SHISA9: variants seen among roughly 807,000 people sequenced by gnomAD.
SHISA9 encodes the protein shisa family member 9.
A neutral mutation model predicts 38.0 loss-of-function variants in SHISA9; 13 were observed. The observed-to-expected ratio is 0.34, with a 90% CI of 0.22 to 0.54. The LOEUF is 0.54. Among genes scored for constraint, SHISA9 ranks in the 20% least tolerant of loss-of-function variants. The pLI is 0.91. For synonymous variants in SHISA9, 275 were observed against 242.0 expected (o/e 1.14, Z -1.27); for missense variants, 538 against 575.8 (o/e 0.93, Z 0.67).
At chr16:13,428,711 C>G in the SHISA9 span, among the ~76,000 whole-genome samples, 2 of 151,752 alleles carry the variant, frequency 1.3e-5, no homozygotes, top group Non-Finnish European at 2.9e-5. Flanking sequence ...GGAATATATC[C>G]TGAGACTAGT....
At chr16:13,367,922 A>G in the SHISA9 span, among the ~76,000 whole-genome samples, 30 of 151,950 alleles carry the variant, frequency 2.0e-4, no homozygotes, top group Admixed American at 5.9e-4. Flanking sequence ...TATTATTATT[A>G]TACTTTAAAT....
intron 2 of SHISA9, among the ~76,000 whole-genome samples, chr16:13,134,800 A>G (rs980137233): frequency 2.0e-5 from 3 of 152,146 alleles, no homozygotes; most frequent in African/African-American, 7.2e-5. Context: ...TATCTCACAT[A>G]TGTCATCGTC....
intron 2 of SHISA9, among the ~76,000 whole-genome samples, chr16:12,988,162 C>G (rs939924583): frequency 1.3e-5 from 2 of 152,222 alleles, no homozygotes; most frequent in Non-Finnish European, 2.9e-5. Flanking sequence ...TGGACCACAA[C>G]AGGCACTGTG....
At chr16:13,499,157 C>T in the SHISA9 span, among the ~76,000 whole-genome samples, 1 of 152,166 alleles carries the variant, frequency 6.6e-6, no homozygotes, top group African/African-American at 2.4e-5. Context: ...CAATCAGTAA[C>T]CAATCAGTAA....
intron 2 of SHISA9, among the ~76,000 whole-genome samples, chr16:12,987,207 C>A (rs2072322642): frequency 6.6e-6 from 1 of 152,084 alleles, no homozygotes; most frequent in Admixed American, 6.5e-5. Flanking sequence ...AGATCTATAC[C>A]AAGTTTGCAG....
chr16:13,062,352 G>A (rs553805684), intron 2 of SHISA9, among the ~76,000 whole-genome samples: 4 of 152,240 alleles, frequency 2.6e-5, no homozygotes, highest in African/African-American at 9.6e-5. Flanking sequence ...AAAGATGATG[G>A]TTTGTTTTGT....
At chr16:13,217,153 C>G (rs1149413) in intron 4 of SHISA9, among the ~76,000 whole-genome samples, 71,849 of 151,324 alleles carry the variant, frequency 0.47, 17,792 homozygotes, top group East Asian at 0.75. Flanking sequence ...TGGCGGGCAC[C>G]TGTAGTCCCA....
intron 2 of SHISA9, among the ~76,000 whole-genome samples, chr16:13,168,362 C>T (rs2050655944): frequency 6.6e-6 from 1 of 152,226 alleles, no homozygotes; most frequent in Admixed American, 6.5e-5. Flanking sequence ...CATGGGCAGC[C>T]ATCTCCATCT....
intron 2 of SHISA9, among the ~76,000 whole-genome samples, chr16:12,980,373 TAA>T (rs2072224746): frequency 6.6e-6 from 1 of 152,218 alleles, no homozygotes; most frequent in South Asian, 2.1e-4. Flanking sequence ...TATAATATGT[TAA>T]GTTCTATTTT....
chr16:13,132,533 A>T lies in SHISA9; in HGVS notation c.692-70861A>T, dbSNP rs954598202. 2.6e-5 allele frequency among the ~76,000 whole-genome samples: 4 copies of T among 151,970 alleles called. 1 individual carries two copies. Among genetic ancestry groups the T allele is most frequent in the Admixed American group, 1.3e-4 (2 of 15,228 alleles). ...GCAGCAGCCCTGGCTTCTACTCCCT[A>T]GATTTGGTGGCATCCACTTCCCCCA... On this transcript the variant is annotated intron_variant, in intron 2 of 4. Transcript: ENST00000558583.
chr16:13,338,167 G>A, the SHISA9 span, among the ~76,000 whole-genome samples: 2 of 152,196 alleles, frequency 1.3e-5, no homozygotes, highest in African/African-American at 2.4e-5. Flanking sequence ...CACCAGCACA[G>A]AAGAAACAGA....
At chr16:13,171,408 C>G (rs1343493780) in intron 2 of SHISA9, among the ~76,000 whole-genome samples, 1 of 150,380 alleles carries the variant, frequency 6.6e-6, no homozygotes, top group African/African-American at 2.4e-5. Context: ...CGTGAAGTTG[C>G]AAATGGGGTA....
chr16:13,035,507 T>C (rs1239805097), intron 2 of SHISA9, among the ~76,000 whole-genome samples: 1 of 150,566 alleles, frequency 6.6e-6, no homozygotes, highest in East Asian at 1.9e-4. Flanking sequence ...CTGAGGTTGA[T>C]TATGATTATG....
At chr16:13,035,016 A>G (rs1327346958) in intron 2 of SHISA9, among the ~76,000 whole-genome samples, 1 of 152,174 alleles carries the variant, frequency 6.6e-6, no homozygotes, top group Non-Finnish European at 1.5e-5. Flanking sequence ...AAAAAAAGCT[A>G]TTGTGTTTTG....
At position 13,089,789 on chromosome 16, in the gene SHISA9, G is replaced by A. The variant is rs142587025; in HGVS notation, c.692-113605G>A. Among the ~76,000 whole-genome samples, 542 of 152,134 alleles carry A rather than the reference G, an allele frequency of 3.6e-3. 22 individuals are homozygous for A. In the East Asian group the frequency reaches 0.074, roughly 21 times the overall value. Reference sequence around the variant, plus strand: ...ATTGATTTTTTGAAGTGTTTTTTGTGTGTCTATCTCTTTCAGTTCTGCTCT... The same window carrying A: ...ATTGATTTTTTGAAGTGTTTTTTGTATGTCTATCTCTTTCAGTTCTGCTCT... On this transcript the variant is annotated intron_variant, in intron 2 of 4. Coordinates refer to ENST00000558583, the MANE Select transcript of SHISA9 (RefSeq NM_001145204.3).
chr16:13,046,044 A>G (rs1293942674), intron 2 of SHISA9, among the ~76,000 whole-genome samples: 3 of 152,194 alleles, frequency 2.0e-5, no homozygotes, highest in African/African-American at 7.2e-5. Flanking sequence ...TCCAAATGCA[A>G]TAGCATATTA....
At chr16:13,019,957 T>G (rs2072828176) in intron 2 of SHISA9, among the ~76,000 whole-genome samples, 1 of 93,860 alleles carries the variant, frequency 1.1e-5, no homozygotes, top group Non-Finnish European at 2.2e-5. Context: ...CTTTCTTTCT[T>G]TCCCTCCTTC....
At chr16:13,224,642 T>C (rs1275932245) in intron 4 of SHISA9, among the ~76,000 whole-genome samples, 1 of 152,160 alleles carries the variant, frequency 6.6e-6, no homozygotes, top group African/African-American at 2.4e-5. Flanking sequence ...TAAGTGGAGC[T>C]TTATATTCTG....
At position 12,902,032 on chromosome 16, in the gene SHISA9, G is replaced by A. The variant is rs867062583; in HGVS notation, c.-33G>A. 44 of 1,426,814 alleles carry A rather than the reference G, an allele frequency of 3.1e-5. No homozygotes were observed. The African/African-American group carries it at 5.7e-4, about 19-fold the overall frequency. 88.4% of individuals were successfully genotyped at this position (1,426,814 alleles called of 1,614,324 possible). On this transcript the variant is annotated 5_prime_UTR_variant, in exon 1 of 5. Transcript: ENST00000558583. The stretch of plus-strand genomic sequence containing the variant: ...AGGCGGCCGCAGAGGCTCCAGCGGC[G>A]GCCGAGCGGCCGAGCCCGGGCTGGG...
Sources: gnomAD v4.1 joint callset for allele counts (sites outside exome capture counted in the v4.1 genomes callset) on GRCh38, gnomAD v4.1.1 for gene constraint, MANE v1.5 for transcripts, NCBI Gene and HGNC (gene_info 2026-07-23, HGNC 2026-07-21) for gene names.